The following NKAIN2 variants were observed in gnomAD, a reference collection of about 807,000 sequenced individuals.
The protein encoded by NKAIN2 is sodium/potassium transporting ATPase interacting 2.
Under a neutral mutation model 32.6 loss-of-function variants are expected in NKAIN2, and 14 were observed. The observed-to-expected ratio is 0.43, with a 90% CI of 0.28 to 0.67. NKAIN2 has a LOEUF of 0.67. Ranked by LOEUF, NKAIN2 falls within the 30% of genes least tolerant of loss-of-function variation. The probability of loss-of-function intolerance (pLI) is 0.17; values close to 1 mark genes in which losing one functional copy is unlikely to be tolerated. For synonymous variants in NKAIN2, 80 were observed against 87.2 expected (o/e 0.92, Z 0.46); for missense variants, 198 against 258.3 (o/e 0.77, Z 1.60).
intron 3 of NKAIN2, among the ~76,000 whole-genome samples, chr6:124,541,663 T>A (rs1214842917): frequency 6.6e-6 from 1 of 152,150 alleles, no homozygotes; most frequent in African/African-American, 2.4e-5. Flanking sequence ...GATTAGGTCA[T>A]GTTTTTAAAA....
intron 1 of NKAIN2, among the ~76,000 whole-genome samples, chr6:124,219,348 G>A (rs946706589): frequency 2.6e-5 from 4 of 150,948 alleles, no homozygotes; most frequent in African/African-American, 9.8e-5. Context: ...TGCGATCTCG[G>A]CTCACTGCAA....
intron 1 of NKAIN2, among the ~76,000 whole-genome samples, chr6:124,139,252 C>G (rs149374): frequency 6.7e-6 from 1 of 149,082 alleles, no homozygotes; most frequent in Admixed American, 6.7e-5. Context: ...CCGCGCCCGG[C>G]TAATTTTTTG....
intron 4 of NKAIN2, among the ~76,000 whole-genome samples, chr6:124,749,517 T>C (rs148434913): frequency 1.3e-5 from 2 of 152,102 alleles, no homozygotes; most frequent in East Asian, 3.9e-4. Context: ...CTTTACATCA[T>C]CCTTGGATAA....
chr6:124,607,653 G>A (rs1333428016), intron 3 of NKAIN2, among the ~76,000 whole-genome samples: 1 of 151,588 alleles, frequency 6.6e-6, no homozygotes, highest in African/African-American at 2.4e-5. Context: ...ATCCATCTTC[G>A]TTATACACAC....
intron 1 of NKAIN2, among the ~76,000 whole-genome samples, chr6:124,058,257 G>A (rs1782759996): frequency 6.8e-6 from 1 of 147,564 alleles, no homozygotes; most frequent in African/African-American, 2.5e-5. Flanking sequence ...AATTTCTATA[G>A]AGAATGAGAA....
intron 2 of NKAIN2, among the ~76,000 whole-genome samples, chr6:124,335,052 C>A (rs1367169259): frequency 6.6e-6 from 1 of 152,014 alleles, no homozygotes; most frequent in South Asian, 2.1e-4. Flanking sequence ...CGGTATCCAA[C>A]CAAGACAGGT....
At chr6:124,115,805 G>C (rs1181292416) in intron 1 of NKAIN2, among the ~76,000 whole-genome samples, 1 of 151,880 alleles carries the variant, frequency 6.6e-6, no homozygotes, top group Non-Finnish European at 1.5e-5. Flanking sequence ...AACTCATTCT[G>C]ATTTCAGAAA....
chr6:123,882,857 A>T (rs1773513304), intron 1 of NKAIN2, among the ~76,000 whole-genome samples: 1 of 152,230 alleles, frequency 6.6e-6, no homozygotes, highest in African/African-American at 2.4e-5. Context: ...ATGTAGATGT[A>T]GTTGGTTCCA....
intron 2 of NKAIN2, among the ~76,000 whole-genome samples, chr6:124,296,921 C>T (rs1410075462): frequency 3.9e-5 from 6 of 152,178 alleles, no homozygotes; most frequent in Admixed American, 6.6e-5. Context: ...GGCACAAAGT[C>T]CTTCAGCATG....
chr6:124,383,076 G>T (rs1353818183), intron 3 of NKAIN2, among the ~76,000 whole-genome samples: 1 of 152,092 alleles, frequency 6.6e-6, no homozygotes, highest in Non-Finnish European at 1.5e-5. Context: ...TAATTATGTT[G>T]TTCCTCCAAT....
intron 1 of NKAIN2, among the ~76,000 whole-genome samples, chr6:123,911,812 TACACACACACACACAC>T (rs60501930): frequency 2.0e-4 from 17 of 85,010 alleles, no homozygotes; most frequent in African/African-American, 5.5e-4. Context: ...TATATATATA[TACACACACACACACAC>T]ACACACACAC....
At chr6:124,344,151 G>A (rs943227870) in intron 2 of NKAIN2, among the ~76,000 whole-genome samples, 4 of 152,066 alleles carry the variant, frequency 2.6e-5, no homozygotes, top group Non-Finnish European at 4.4e-5. Flanking sequence ...TAGATATGCA[G>A]CATTATTTCT....
chr6:124,150,297 GT>G (rs1195937302), intron 1 of NKAIN2, among the ~76,000 whole-genome samples: 2 of 151,712 alleles, frequency 1.3e-5, no homozygotes, highest in African/African-American at 4.8e-5. Flanking sequence ...AAAGTTTTTG[GT>G]TAAAAAAATG....
intron 1 of NKAIN2, among the ~76,000 whole-genome samples, chr6:123,931,554 C>G (rs1158684789): frequency 6.6e-6 from 1 of 152,092 alleles, no homozygotes; most frequent in Non-Finnish European, 1.5e-5. Context: ...TATTTTCTCT[C>G]ATTGTACCAT....
intron 1 of NKAIN2, among the ~76,000 whole-genome samples, chr6:123,937,075 A>AACCACCACC (rs1199405173): frequency 6.6e-6 from 1 of 152,034 alleles, no homozygotes; most frequent in South Asian, 2.1e-4. Flanking sequence ...AGGAGCAGCA[A>AACCACCACC]ACCACCACCA....
At chr6:124,289,862 A>G (rs1050653844) in intron 2 of NKAIN2, among the ~76,000 whole-genome samples, 2 of 152,310 alleles carry the variant, frequency 1.3e-5, no homozygotes, top group African/African-American at 4.8e-5. Flanking sequence ...TCTAGGAGAA[A>G]AAAATATCTG....
intron 3 of NKAIN2, among the ~76,000 whole-genome samples, chr6:124,636,508 A>G (rs528952760): frequency 6.6e-6 from 1 of 151,930 alleles, no homozygotes; most frequent in Non-Finnish European, 1.5e-5. Context: ...AAAATCAATA[A>G]TCCATGATGC....
intron 1 of NKAIN2, among the ~76,000 whole-genome samples, chr6:124,143,745 A>AT (rs557752261): frequency 2.0e-5 from 3 of 152,164 alleles, no homozygotes; most frequent in African/African-American, 4.8e-5. Flanking sequence ...AATAAAACTG[A>AT]TTTTTTTAAT....
chr6:124,387,164 T>A (rs62436265), intron 3 of NKAIN2, among the ~76,000 whole-genome samples: 3,677 of 152,234 alleles, frequency 0.024, 98 homozygotes, highest in Non-Finnish European at 0.034. Context: ...TACACTTACA[T>A]GTATGCATAT....
Sources: gnomAD v4.1 joint callset for allele counts (sites outside exome capture counted in the v4.1 genomes callset) on GRCh38, gnomAD v4.1.1 for gene constraint, MANE v1.5 for transcripts, NCBI Gene and HGNC (gene_info 2026-07-23, HGNC 2026-07-21) for gene names.